Variants in OR51C1 observed in about 807,000 individuals in gnomAD.
The protein encoded by OR51C1 is olfactory receptor OR51C1.
chr11:4,692,983 A>G, the OR51C1 span, among the ~76,000 whole-genome samples: 1 of 152,208 alleles, frequency 6.6e-6, no homozygotes, highest in Non-Finnish European at 1.5e-5. Context: ...AATTTACAGT[A>G]ATGACAGTGT....
At chr11:4,691,927 T>G in the OR51C1 span, among the ~76,000 whole-genome samples, 1 of 152,212 alleles carries the variant, frequency 6.6e-6, no homozygotes, top group African/African-American at 2.4e-5. Context: ...GTACAATCTT[T>G]CTTCTCTAGG....
chr11:4,693,512 GA>G, the OR51C1 span, among the ~76,000 whole-genome samples: 5 of 152,194 alleles, frequency 3.3e-5, no homozygotes, highest in Non-Finnish European at 7.3e-5. Context: ...ACGAGGTCAG[GA>G]GATCGAGACC....
At chr11:4,695,624 A>T in the OR51C1 span, among the ~76,000 whole-genome samples, 4 of 152,132 alleles carry the variant, frequency 2.6e-5, no homozygotes, top group East Asian at 7.7e-4. Flanking sequence ...AAAATCCTCC[A>T]AATGATGTCA....
At chr11:4,692,367 GA>G in the OR51C1 span, among the ~76,000 whole-genome samples, 1 of 152,174 alleles carries the variant, frequency 6.6e-6, no homozygotes, top group Non-Finnish European at 1.5e-5. Context: ...CCAGGCTTAG[GA>G]AGACAGGAGG....
At chr11:4,695,069 G>A in the OR51C1 span, among the ~76,000 whole-genome samples, 1 of 152,124 alleles carries the variant, frequency 6.6e-6, no homozygotes, top group Non-Finnish European at 1.5e-5. Flanking sequence ...GTGAGGCTAG[G>A]TGCTGTGGGA....
At chr11:4,693,066 T>C in the OR51C1 span, among the ~76,000 whole-genome samples, 23 of 152,166 alleles carry the variant, frequency 1.5e-4, no homozygotes, top group Non-Finnish European at 7.3e-5. Context: ...ATAGTTAATG[T>C]ATAGTATATT....
the OR51C1 span, among the ~76,000 whole-genome samples, chr11:4,695,165 C>G: frequency 5.9e-5 from 9 of 152,160 alleles, no homozygotes; most frequent in African/African-American, 2.2e-4. Flanking sequence ...TTTTGCAGAG[C>G]ATCAAGAGCC....
At chr11:4,690,933 A>C in the OR51C1 span, 4 of 455,338 alleles carry the variant, frequency 8.8e-6, no homozygotes, top group Non-Finnish European at 1.8e-5. Flanking sequence ...CAGACTGATC[A>C]ATGGAATGTA....
chr11:4,691,734 C>T, the OR51C1 span: 2 of 337,764 alleles, frequency 5.9e-6, no homozygotes, highest in African/African-American at 4.4e-5. Context: ...GAGATGAGAG[C>T]TTAAACAAAA....
At chr11:4,696,894 C>A in the OR51C1 span, among the ~76,000 whole-genome samples, 1 of 152,162 alleles carries the variant, frequency 6.6e-6, no homozygotes. Flanking sequence ...GTGTGACTGA[C>A]CTGGGTTCAG....
At chr11:4,692,826 C>A in the OR51C1 span, among the ~76,000 whole-genome samples, 3 of 137,474 alleles carry the variant, frequency 2.2e-5, no homozygotes, top group Admixed American at 7.7e-5. Context: ...AGTGCCACCT[C>A]AAGGATCACC....
At chr11:4,695,449 G>A in the OR51C1 span, among the ~76,000 whole-genome samples, 2,124 of 152,226 alleles carry the variant, frequency 0.014, 20 homozygotes, top group Middle Eastern at 0.041. Context: ...TTCATAATTA[G>A]CCTTGTGCTT....
At chr11:4,691,074 C>G in the OR51C1 span, 1 of 456,742 alleles carries the variant, frequency 2.2e-6, no homozygotes, top group Non-Finnish European at 4.4e-6. Context: ...TAAGTCTACA[C>G]CAACAGTAGA....
chr11:4,691,807 G>T, the OR51C1 span: 3 of 316,116 alleles, frequency 9.5e-6, no homozygotes, highest in South Asian at 8.4e-5. Context: ...GAAAACTGAT[G>T]AGTATTTATA....
the OR51C1 span, among the ~76,000 whole-genome samples, chr11:4,694,573 TATAC>T: frequency 1.7e-5 from 2 of 118,870 alleles, no homozygotes; most frequent in Non-Finnish European, 4.0e-5. Flanking sequence ...TACATATATA[TATAC>T]ACACACACAC....
chr11:4,693,422 G>C, the OR51C1 span, among the ~76,000 whole-genome samples: 303 of 152,296 alleles, frequency 2.0e-3, 1 homozygote, highest in African/African-American at 6.7e-3. Flanking sequence ...AGAACGGCAT[G>C]TGTAAAAGTG....
the OR51C1 span, among the ~76,000 whole-genome samples, chr11:4,693,708 C>T: frequency 6.6e-6 from 1 of 151,914 alleles, no homozygotes; most frequent in East Asian, 1.9e-4. Flanking sequence ...GGCGACAGAG[C>T]GAGACTCCGT....
chr11:4,696,999 C>T, the OR51C1 span, among the ~76,000 whole-genome samples: 2 of 152,172 alleles, frequency 1.3e-5, no homozygotes, highest in Non-Finnish European at 2.9e-5. Flanking sequence ...GACACGTGTT[C>T]TGTGAACATT....
chr11:4,694,748 G>A, the OR51C1 span, among the ~76,000 whole-genome samples: 1 of 152,150 alleles, frequency 6.6e-6, no homozygotes, highest in African/African-American at 2.4e-5. Flanking sequence ...GTTGTAGAGT[G>A]TATAAGGATA....
Sources: gnomAD v4.1 joint callset for allele counts (sites outside exome capture counted in the v4.1 genomes callset) on GRCh38, gnomAD v4.1.1 for gene constraint, MANE v1.5 for transcripts, NCBI Gene and HGNC (gene_info 2026-07-23, HGNC 2026-07-21) for gene names.